The following PRDM16 variants were observed in gnomAD, a reference collection of about 807,000 sequenced individuals.
The protein encoded by PRDM16 is PR/SET domain 16, also known as histone-lysine N-methyltransferase PRDM16.
A neutral mutation model predicts 110.6 loss-of-function variants in PRDM16; 23 were observed. The observed-to-expected ratio is 0.21, with a 90% CI of 0.15 to 0.29. The LOEUF is 0.29. Among genes scored for constraint, PRDM16 ranks in the 10% least tolerant of loss-of-function variants. The pLI, the probability that PRDM16 is intolerant of heterozygous loss-of-function variation, is 1.00. For synonymous variants in PRDM16, 799 were observed against 781.8 expected, an observed-to-expected ratio of 1.02 and a Z score of -0.37; for missense variants, 1,615 against 1,794.3, an observed-to-expected ratio of 0.90 and a Z score of 1.81.
At chr1:3,114,713 G>T (rs975697789) in intron 1 of PRDM16, among the ~76,000 whole-genome samples, 7 of 152,212 alleles carry the variant, frequency 4.6e-5, no homozygotes, top group Admixed American at 1.3e-4. Context: ...CAGAGGGAAG[G>T]CACCCTCCTG....
At chr1:3,100,918 G>A (rs976245773) in intron 1 of PRDM16, among the ~76,000 whole-genome samples, 2 of 152,074 alleles carry the variant, frequency 1.3e-5, no homozygotes, top group African/African-American at 4.8e-5. Flanking sequence ...TGTTCAAGGT[G>A]ACGGGTGGCA....
At chr1:3,365,996 A>T (rs926345957) in intron 3 of PRDM16, among the ~76,000 whole-genome samples, 2 of 152,196 alleles carry the variant, frequency 1.3e-5, no homozygotes, top group African/African-American at 4.8e-5. Flanking sequence ...AAACATGCAC[A>T]CATACGCGCA....
intron 3 of PRDM16, among the ~76,000 whole-genome samples, chr1:3,250,134 C>G (rs1312855971): frequency 7.0e-6 from 1 of 141,928 alleles, no homozygotes; most frequent in Non-Finnish European, 1.5e-5. Context: ...CCCCCCACCC[C>G]ACTCCCAGGA....
intron 2 of PRDM16, among the ~76,000 whole-genome samples, chr1:3,193,781 C>G (rs1638380352): frequency 6.6e-6 from 1 of 152,200 alleles, no homozygotes; most frequent in African/African-American, 2.4e-5. Context: ...AGGAAAGCTC[C>G]CAAGTCCTTC....
rs546014913 is a variant in PRDM16, at chr1:3,072,494, C to G, written c.37+3198C>G. On this transcript the variant is annotated intron_variant, in intron 1 of 16. Transcript: ENST00000270722. ...TGGGGTGGGGGAGCTGCAGCCCCCA[C>G]TAGATGGGGACTGTGTGTGTCTTGC... Among the ~76,000 whole-genome samples the G allele has an allele frequency of 1.4e-4, 21 of 152,340 alleles. 1 individual carries two copies. The South Asian group carries it at 4.3e-3, about 32-fold the overall frequency.
intron 1 of PRDM16, among the ~76,000 whole-genome samples, chr1:3,108,903 TAA>T (rs34467003): frequency 0.092 from 13,413 of 146,150 alleles, 899 homozygotes; most frequent in East Asian, 0.32. Flanking sequence ...CTGTCTCTAC[TAA>T]AAAAAAAAAA....
intron 2 of PRDM16, among the ~76,000 whole-genome samples, chr1:3,230,344 G>A (rs1428455552): frequency 1.3e-5 from 2 of 152,230 alleles, no homozygotes; most frequent in African/African-American, 4.8e-5. Context: ...CCTGGGACGA[G>A]TCCTTGGGGT....
intron 4 of PRDM16, among the ~76,000 whole-genome samples, chr1:3,393,233 T>C (rs551972174): frequency 3.7e-4 from 56 of 151,854 alleles, no homozygotes; most frequent in African/African-American, 1.3e-3. Flanking sequence ...CGGAGGCGAG[T>C]GTTTATAAAA....
At chr1:3,234,593 C>T (rs576423633) in intron 2 of PRDM16, among the ~76,000 whole-genome samples, 3 of 152,290 alleles carry the variant, frequency 2.0e-5, no homozygotes, top group African/African-American at 7.2e-5. Context: ...AGAGCCACCC[C>T]GAGCACAGGG....
chr1:3,262,613 C>T (rs1230697616), intron 3 of PRDM16, among the ~76,000 whole-genome samples: 1 of 152,162 alleles, frequency 6.6e-6, no homozygotes, highest in Admixed American at 6.5e-5. Context: ...GGGATGGGGT[C>T]CTTGCTGAGG....
In PRDM16 at chr1:3,246,565, G is replaced by A. The variant is rs1324572630; in HGVS notation, c.438+2428G>A. Among the ~76,000 whole-genome samples the A allele has an allele frequency of 1.3e-5, 2 of 152,250 alleles. No individual in the cohort carries two copies. The highest frequency in any genetic ancestry group is 1.9e-4 in the East Asian group (1 of 5,200). On this transcript the variant is annotated intron_variant, in intron 3 of 16. Transcript: ENST00000270722. The surrounding 1 kb of genome is among the most constrained non-coding windows in gnomAD (Gnocchi z 5.2). ...TGCCGCTGCCCTGCAGGCCCAGTCC[G>A]AGGGGCTGGGGGCTGCCTGGAGGAG...
chr1:3,114,535 C>A (rs997959935), intron 1 of PRDM16, among the ~76,000 whole-genome samples: 9 of 151,842 alleles, frequency 5.9e-5, no homozygotes, highest in East Asian at 1.9e-4. Context: ...CGCACACATG[C>A]ACACATGAAC....
chr1:3,187,804 G>A (rs953109963), intron 2 of PRDM16, among the ~76,000 whole-genome samples: 2 of 152,172 alleles, frequency 1.3e-5, no homozygotes, highest in Non-Finnish European at 2.9e-5. Context: ...TACTCCCTGA[G>A]TGTCAGCTTA....
chr1:3,129,365 G>T (rs1643286182), intron 1 of PRDM16, among the ~76,000 whole-genome samples: 1 of 143,134 alleles, frequency 7.0e-6, no homozygotes, highest in South Asian at 2.3e-4. Context: ...GCGCACGTGG[G>T]TGAGTGTGTG....
At chr1:3,335,073 T>C (rs1283725316) in intron 3 of PRDM16, among the ~76,000 whole-genome samples, 3 of 152,134 alleles carry the variant, frequency 2.0e-5, no homozygotes, top group Non-Finnish European at 4.4e-5. Context: ...GGAGACCAGG[T>C]TCCCCCCTGT....
intron 1 of PRDM16, among the ~76,000 whole-genome samples, chr1:3,176,709 T>TATCCATCC (rs111683546): frequency 2.6e-4 from 37 of 144,144 alleles, no homozygotes; most frequent in East Asian, 2.6e-3. Flanking sequence ...TCTGTCCATC[T>TATCCATCC]ATCCATCCAT....
intron 1 of PRDM16, among the ~76,000 whole-genome samples, chr1:3,114,201 A>G (rs796310181): frequency 0.022 from 2,710 of 123,578 alleles, 97 homozygotes; most frequent in African/African-American, 0.086. Flanking sequence ...ACGCACACGC[A>G]CGCACACACG....
At position 3,418,797 on chromosome 1, in the gene PRDM16, C is replaced by T. The variant is rs559222291; in HGVS notation, c.2939+53C>T. 365 of 1,330,424 alleles carry T rather than the reference C, an allele frequency of 2.7e-4. No homozygotes were observed. The African/African-American group carries it at 3.7e-3, about 14-fold the overall frequency. 82.4% of individuals were successfully genotyped at this position (1,330,424 alleles called of 1,614,324 possible). On this transcript the variant is annotated intron_variant, in intron 12 of 16. Transcript: ENST00000270722. The stretch of plus-strand genomic sequence containing the variant: ...GGCGGGGCCGCCTGCCTCCGTGCAC[C>T]GCTGACCCACTCCTAGGAGTAAGTA...
In PRDM16 at chr1:3,337,545, C is replaced by A. The variant is rs139763490; in HGVS notation, c.439-47607C>A. Among the ~76,000 whole-genome samples the A allele has an allele frequency of 7.3e-3, 1,105 of 152,270 alleles. 16 individuals carry two copies. Among genetic ancestry groups the A allele is most frequent in the African/African-American group, 0.025 (1,028 of 41,546 alleles). Reference sequence around the variant, plus strand: ...TCATCAAGGGGACCATCATCAGGGACCTTTGAGCTAGAGGCCCTTGGGGTG... The same window carrying A: ...TCATCAAGGGGACCATCATCAGGGAACTTTGAGCTAGAGGCCCTTGGGGTG... On this transcript the variant is annotated intron_variant, in intron 3 of 16. Transcript: ENST00000270722.
Sources: allele counts gnomAD v4.1 joint callset (sites outside exome capture counted in the v4.1 genomes callset), GRCh38; gene constraint gnomAD v4.1.1; non-coding constraint Gnocchi (gnomAD v3.1); transcripts MANE v1.5; gene names NCBI Gene and HGNC (gene_info 2026-07-23, HGNC 2026-07-21).